The following SLC39A11 variants were observed in gnomAD, a reference collection of about 807,000 sequenced individuals.
The protein encoded by SLC39A11 is zinc transporter ZIP11.
Under a neutral mutation model 36.1 loss-of-function variants are expected in SLC39A11, and 33 were observed. That is an observed-to-expected ratio of 0.91 (90% confidence interval 0.69 to 1.22). The LOEUF (loss-of-function observed/expected upper bound fraction) is 1.22. SLC39A11 is among the 50% of genes most tolerant of loss of function. The probability of loss-of-function intolerance (pLI) is 0.00; values close to 1 mark genes in which losing one functional copy is unlikely to be tolerated. For missense variants in SLC39A11, 432 were observed against 430.3 expected (o/e 1.00, Z -0.03); for synonymous variants, 166 against 170.3 (o/e 0.97, Z 0.20).
chr17:73,050,993 T>A (rs1203062266), intron 3 of SLC39A11, among the ~76,000 whole-genome samples: 1 of 152,190 alleles, frequency 6.6e-6, no homozygotes, highest in Non-Finnish European at 1.5e-5. Context: ...AATGTATTGG[T>A]TTCCTGGAGC....
intron 6 of SLC39A11, among the ~76,000 whole-genome samples, chr17:72,846,678 G>T (rs1382020271): frequency 6.6e-6 from 1 of 152,210 alleles, no homozygotes; most frequent in Non-Finnish European, 1.5e-5. Flanking sequence ...TTAGAGGAAA[G>T]TTGGATACTC....
At chr17:72,765,208 T>C (rs1259351986) in intron 6 of SLC39A11, among the ~76,000 whole-genome samples, 1 of 152,194 alleles carries the variant, frequency 6.6e-6, no homozygotes, top group Non-Finnish European at 1.5e-5. Flanking sequence ...GACTGGCCTT[T>C]TGAGGTGTCT....
chr17:72,874,894 G>A (rs1025246122), intron 5 of SLC39A11, among the ~76,000 whole-genome samples: 12 of 152,248 alleles, frequency 7.9e-5, no homozygotes, highest in South Asian at 6.2e-4. Context: ...GTCATTCCTC[G>A]TTCTTTCCCA....
chr17:73,040,967 A>G (rs543140638), intron 3 of SLC39A11, among the ~76,000 whole-genome samples: 23 of 149,306 alleles, frequency 1.5e-4, no homozygotes, highest in Non-Finnish European at 2.8e-4. Flanking sequence ...CCTGGGCAAC[A>G]GAGTCAGACT....
intron 6 of SLC39A11, among the ~76,000 whole-genome samples, chr17:72,801,581 T>C (rs1018062317): frequency 1.3e-5 from 2 of 152,224 alleles, no homozygotes; most frequent in Non-Finnish European, 2.9e-5. Flanking sequence ...ATTTTGAATA[T>C]ACTAAAAGCC....
At chr17:72,912,891 A>T (rs2083102136) in intron 5 of SLC39A11, among the ~76,000 whole-genome samples, 1 of 152,064 alleles carries the variant, frequency 6.6e-6, no homozygotes, top group African/African-American at 2.4e-5. Context: ...CTCTTGCTCC[A>T]TTGGCAATCG....
At chr17:72,865,862 A>G (rs959934739) in intron 5 of SLC39A11, among the ~76,000 whole-genome samples, 1 of 152,250 alleles carries the variant, frequency 6.6e-6, no homozygotes, top group Non-Finnish European at 1.5e-5. Flanking sequence ...ACCCACTCGA[A>G]CAACTACAAA....
At chr17:72,931,304 A>T (rs1344775974) in intron 5 of SLC39A11, among the ~76,000 whole-genome samples, 4 of 152,228 alleles carry the variant, frequency 2.6e-5, no homozygotes, top group Non-Finnish European at 5.9e-5. Flanking sequence ...GTACTGGTGG[A>T]CTGCAGAAGC....
At chr17:73,005,142 A>G (rs941550438) in intron 4 of SLC39A11, among the ~76,000 whole-genome samples, 18 of 151,974 alleles carry the variant, frequency 1.2e-4, no homozygotes, top group African/African-American at 3.4e-4. Context: ...GATTACAACT[A>G]ATTTTTGTAT....
chr17:72,928,578 G>T (rs191173985), intron 5 of SLC39A11, among the ~76,000 whole-genome samples: 8 of 152,288 alleles, frequency 5.3e-5, no homozygotes, highest in Non-Finnish European at 1.5e-5. Context: ...CAACCAGGAA[G>T]TGTAGGCTGT....
intron 5 of SLC39A11, among the ~76,000 whole-genome samples, chr17:72,869,096 G>C (rs2080468841): frequency 6.6e-6 from 1 of 152,218 alleles, no homozygotes; most frequent in Admixed American, 6.5e-5. Flanking sequence ...CTGAAAGGAA[G>C]TCAGAGGTTC....
intron 6 of SLC39A11, among the ~76,000 whole-genome samples, chr17:72,757,981 G>C (rs1249958089): frequency 6.6e-6 from 1 of 152,110 alleles, no homozygotes; most frequent in African/African-American, 2.4e-5. Context: ...CACCTCCTGG[G>C]TTCAAGTGAT....
intron 6 of SLC39A11, among the ~76,000 whole-genome samples, chr17:72,804,002 T>TC (rs1555677436): frequency 8.3e-5 from 10 of 120,058 alleles, no homozygotes; most frequent in Admixed American, 5.5e-4. Context: ...CTATCTTTTT[T>TC]GGGTGGGGGC....
chr17:72,722,137 A>G (rs996967414), intron 7 of SLC39A11, among the ~76,000 whole-genome samples: 2 of 151,954 alleles, frequency 1.3e-5, no homozygotes, highest in African/African-American at 4.8e-5. Flanking sequence ...TTTCTTTTCC[A>G]TGCTAATGAT....
At position 72,957,547 on chromosome 17, in the gene SLC39A11, C is replaced by T. The variant is rs59235806; in HGVS notation, c.307-9672G>A. ...ATTTTTTAAAATTTCGGCCAGGCGC[C>T]GCAGCTCATGCCTGTAATCCCAGCA... On this transcript the variant is annotated intron_variant, in intron 4 of 9. Transcript: ENST00000255559. Among the ~76,000 whole-genome samples the T allele has an allele frequency of 4.8e-3, 733 of 152,250 alleles. 12 individuals are homozygous for T. The highest frequency in any genetic ancestry group is 0.016 in the African/African-American group (670 of 41,540).
At chr17:72,726,515 C>A (rs1282041023) in intron 7 of SLC39A11, among the ~76,000 whole-genome samples, 1 of 152,080 alleles carries the variant, frequency 6.6e-6, no homozygotes, top group Non-Finnish European at 1.5e-5. Flanking sequence ...TGTCTACACA[C>A]ACACACAAAC....
intron 7 of SLC39A11, among the ~76,000 whole-genome samples, chr17:72,733,177 C>T (rs2074297811): frequency 2.0e-5 from 3 of 152,232 alleles, no homozygotes; most frequent in Non-Finnish European, 2.9e-5. Flanking sequence ...TCTGAAACCA[C>T]CTACCACGGT....
intron 7 of SLC39A11, among the ~76,000 whole-genome samples, chr17:72,669,165 CAA>C (rs1329694262): frequency 6.6e-6 from 1 of 152,094 alleles, no homozygotes; most frequent in Non-Finnish European, 1.5e-5. Flanking sequence ...TTGTTTTTCT[CAA>C]AGTTATATAG....
intron 5 of SLC39A11, among the ~76,000 whole-genome samples, chr17:72,868,616 TACAAAAAAAAAAA>T (rs1567853967): frequency 8.8e-5 from 2 of 22,736 alleles, no homozygotes; most frequent in African/African-American, 3.8e-4. Context: ...CCCCTGTCTC[TACAAAAAAAAAAA>T]AAAAAAAAAA....
Sources: gnomAD v4.1 joint callset for allele counts (sites outside exome capture counted in the v4.1 genomes callset) on GRCh38, gnomAD v4.1.1 for gene constraint, MANE v1.5 for transcripts, NCBI Gene and HGNC (gene_info 2026-07-23, HGNC 2026-07-21) for gene names.